Variants in USP13 observed in about 807,000 individuals in gnomAD.
The protein encoded by USP13 is ubiquitin carboxyl-terminal hydrolase 13.
A neutral mutation model predicts 107.8 loss-of-function variants in USP13; 68 were observed. That is an observed-to-expected ratio of 0.63 (90% CI 0.52 to 0.77). The LOEUF is 0.77. Among genes scored for constraint, USP13 ranks in the 30% least tolerant of loss-of-function variants. The probability of loss-of-function intolerance (pLI) is 0.00; values close to 1 mark genes in which losing one functional copy is unlikely to be tolerated. For synonymous variants in USP13, 377 were observed against 389.5 expected, an observed-to-expected ratio of 0.97 and a Z score of 0.38; for missense variants, 945 against 1,093.3, an observed-to-expected ratio of 0.86 and a Z score of 1.91.
At chr3:179,681,794 T>C in intron 1 of USP13, 84 bp from the exon 2 acceptor site, 1 of 1,507,698 alleles carries the variant, frequency 6.6e-7, no homozygotes, top group Non-Finnish European at 8.9e-7. Flanking sequence ...TCTTCAGCGT[T>C]TGCCTTCCTT....
intron 19 of USP13, among the ~76,000 whole-genome samples, chr3:179,776,858 G>GTTTTTTTTT (rs71628094): frequency 1.3e-5 from 1 of 78,284 alleles, no homozygotes; most frequent in African/African-American, 5.2e-5. Context: ...TAGAGTGCTG[G>GTTTTTTTTT]TTTTTTTTTT....
chr3:179,726,659 C>T (rs1037436052), intron 8 of USP13, among the ~76,000 whole-genome samples: 8 of 146,506 alleles, frequency 5.5e-5, no homozygotes, highest in African/African-American at 1.3e-4. Flanking sequence ...CATTCTGGGC[C>T]TCATTACTCC....
At chr3:179,706,118 A>G (rs1268030028) in intron 4 of USP13, among the ~76,000 whole-genome samples, 1 of 152,128 alleles carries the variant, frequency 6.6e-6, no homozygotes, top group Non-Finnish European at 1.5e-5. Context: ...ATATATACCT[A>G]TGGTAGAATG....
rs1332052136 is a variant in USP13, at chr3:179,721,363, C to A, written c.901-39C>A. 1 of 1,590,592 alleles carries A rather than the reference C, an allele frequency of 6.3e-7. No homozygotes were observed. The highest frequency in any genetic ancestry group is 8.6e-7 in the Non-Finnish European group (1 of 1,165,718). Reference sequence around the variant, plus strand: ...CGGGACATGACCTTTGAATGGGAATCACATTTAAAGTTGTTTTTCTTCGAT... The same window carrying A: ...CGGGACATGACCTTTGAATGGGAATAACATTTAAAGTTGTTTTTCTTCGAT... On this transcript the variant is annotated intron_variant, in intron 7 of 20. Transcript: ENST00000263966. This position sits in a 1 kb window ranked among gnomAD's most constrained non-coding sequence, Gnocchi z 4.3.
chr3:179,721,657 G>A lies in USP13; in HGVS notation c.1088+68G>A. ...GCCCCATCTAGGTCCAGTCCACTCA[G>A]TGTGCGCTGCGAAGCCCATCTTTAT... is the stretch of plus-strand genomic sequence containing the variant. On this transcript the variant is annotated intron_variant, in intron 8 of 20. Coordinates refer to ENST00000263966, the MANE Select transcript of USP13 (RefSeq NM_003940.3). The surrounding 1 kb of genome is among the most constrained non-coding windows in gnomAD (Gnocchi z 4.3). 3.3e-6 allele frequency: 5 copies of A among 1,529,656 alleles called. No homozygotes were observed. The South Asian group carries it at 4.9e-5, about 15-fold the overall frequency. The allele number at this position is 1,529,656 out of a possible 1,614,324, so 94.8% of individuals were successfully genotyped here.
intron 1 of USP13, among the ~76,000 whole-genome samples, chr3:179,656,736 C>T (rs1370485726): frequency 6.6e-6 from 1 of 152,174 alleles, no homozygotes; most frequent in Admixed American, 6.5e-5. Context: ...TTGCCTTCCA[C>T]CAGACCCCAT....
chr3:179,692,499 T>G (rs1712148149), intron 3 of USP13, among the ~76,000 whole-genome samples: 1 of 152,172 alleles, frequency 6.6e-6, no homozygotes, highest in Admixed American at 6.5e-5. Flanking sequence ...ACAACCCAGT[T>G]TAACCAACTA....
chr3:179,682,804 T>C (rs1345785687), intron 2 of USP13, among the ~76,000 whole-genome samples: 2 of 152,206 alleles, frequency 1.3e-5, no homozygotes, highest in African/African-American at 2.4e-5. Flanking sequence ...TGGGGGTACA[T>C]GTGCCAGAGT....
chr3:179,706,793 A>G, intron 4 of USP13, 141 bp from the exon 5 acceptor site: 1 of 1,002,892 alleles, frequency 1.0e-6, no homozygotes, highest in Non-Finnish European at 1.4e-6. Flanking sequence ...GTGCAGGAAA[A>G]CAGGATCCCT....
At position 179,690,240 on chromosome 3, in the gene USP13, G is replaced by T; in HGVS notation, c.295-1G>T. The T allele has an allele frequency of 6.2e-7, 1 of 1,612,374 alleles. No individual in the cohort carries two copies. Among genetic ancestry groups the T allele is most frequent in the Non-Finnish European group, 8.5e-7 (1 of 1,179,478 alleles). ...TTAATGATCTTTTGTTTTCTTTTCA[G>T]AAGGTAAGAGGGGCGTCTGGTGGAG... On this transcript the variant is annotated splice_acceptor_variant, in intron 2 of 20. Transcript: ENST00000263966. LOFTEE classifies it high-confidence loss of function.
At chr3:179,674,126 C>CATA (rs1460826868) in intron 1 of USP13, among the ~76,000 whole-genome samples, 3 of 152,084 alleles carry the variant, frequency 2.0e-5, no homozygotes, top group African/African-American at 7.2e-5. Context: ...CTCCTGACCT[C>CATA]AGGTGATTCA....
chr3:179,746,955 GCAAAAACAATTTATTT>G (rs974213250), intron 13 of USP13, among the ~76,000 whole-genome samples: 1 of 152,102 alleles, frequency 6.6e-6, no homozygotes, highest in African/African-American at 2.4e-5. Context: ...AAACAGGAAA[GCAAAAACAATTTATTT>G]CAAAAAGGAA....
rs1576985292 is a variant in USP13 at position 179,761,518 on chromosome 3, TGAA to T, written c.2092+266_2092+268del. 2.0e-5 allele frequency among the ~76,000 whole-genome samples: 3 copies of T among 152,138 alleles called. No individual in the cohort carries two copies. In the East Asian group the frequency reaches 5.8e-4, roughly 29 times the overall value. Reference sequence around the variant, plus strand: ...GCAGGCGGATCACGAAGTCAAGAGATGAAGACCATCCTGGCCAACATAGTGAAA... The same window carrying T: ...GCAGGCGGATCACGAAGTCAAGAGATGACCATCCTGGCCAACATAGTGAAA... On this transcript the variant is annotated intron_variant, in intron 17 of 20. Coordinates refer to ENST00000263966, the MANE Select transcript of USP13 (RefSeq NM_003940.3).
chr3:179,729,253 C>G (rs1041502772), intron 8 of USP13, among the ~76,000 whole-genome samples: 1 of 152,080 alleles, frequency 6.6e-6, no homozygotes, highest in Non-Finnish European at 1.5e-5. Context: ...TTCTGGCTAC[C>G]CAGACTTAAT....
At chr3:179,684,368 T>C (rs1211788279) in intron 2 of USP13, among the ~76,000 whole-genome samples, 1 of 151,780 alleles carries the variant, frequency 6.6e-6, no homozygotes, top group Admixed American at 6.6e-5. Flanking sequence ...TGGAGTGCAG[T>C]GGCGCCACCA....
intron 19 of USP13, among the ~76,000 whole-genome samples, chr3:179,768,979 GA>G (rs1356836673): frequency 1.3e-5 from 2 of 152,102 alleles, no homozygotes; most frequent in Non-Finnish European, 2.9e-5. Flanking sequence ...ATAGATATAT[GA>G]AAAGACAAAA....
At chr3:179,680,364 T>C (rs1353389839) in intron 1 of USP13, among the ~76,000 whole-genome samples, 1 of 152,184 alleles carries the variant, frequency 6.6e-6, no homozygotes, top group Non-Finnish European at 1.5e-5. Flanking sequence ...TTCAGATTTT[T>C]AAATTTTTTG....
chr3:179,730,083 A>G, intron 8 of USP13, 106 bp from the exon 9 acceptor site: 1 of 1,004,156 alleles, frequency 1.0e-6, no homozygotes, highest in Non-Finnish European at 1.5e-6. Context: ...TAGATTGTTT[A>G]GTTTGACAAA....
intron 2 of USP13, among the ~76,000 whole-genome samples, chr3:179,688,866 C>G (rs1711991756): frequency 6.6e-6 from 1 of 152,194 alleles, no homozygotes; most frequent in Non-Finnish European, 1.5e-5. Flanking sequence ...AAGAAAGAGG[C>G]TCTGAGATAA....
Sources: allele counts gnomAD v4.1 joint callset (sites outside exome capture counted in the v4.1 genomes callset), GRCh38; gene constraint gnomAD v4.1.1; non-coding constraint Gnocchi (gnomAD v3.1); transcripts MANE v1.5; gene names NCBI Gene and HGNC (gene_info 2026-07-23, HGNC 2026-07-21).